The following DNAH9 variants were observed in gnomAD, a reference collection of about 807,000 sequenced individuals.
The protein encoded by DNAH9 is DNAH9 variant protein.
DNAH9 carries 345 observed loss-of-function variants against 471.6 expected under a neutral mutation model. The ratio of observed to expected loss-of-function variants is 0.73; its 90% CI spans 0.67 to 0.80. The LOEUF (loss-of-function observed/expected upper bound fraction) is 0.80, where lower values mean the gene tolerates loss of function less well. DNAH9 is among the 30% of genes least tolerant of loss of function. The pLI, the probability that DNAH9 is intolerant of heterozygous loss-of-function variation, is 0.00. For missense variants in DNAH9, 5,407 were observed against 5,609.2 expected (o/e 0.96, Z 1.15); for synonymous variants, 2,093 against 2,123.6 (o/e 0.99, Z 0.40).
At chr17:11,894,755 A>G (rs3764845) in intron 59 of DNAH9, among the ~76,000 whole-genome samples, 98,942 of 152,030 alleles carry the variant, frequency 0.65, 33,415 homozygotes, top group Middle Eastern at 0.76. Context: ...GAGCTCCCCT[A>G]AGTCACCTGA....
chr17:11,839,283 G>A (rs1251149407), intron 49 of DNAH9, among the ~76,000 whole-genome samples: 6 of 152,120 alleles, frequency 3.9e-5, no homozygotes, highest in South Asian at 2.1e-4. Context: ...TTGGGAGGCC[G>A]AGGCGGGCGG....
chr17:11,796,689 C>T (rs1969254869), intron 42 of DNAH9, among the ~76,000 whole-genome samples: 1 of 152,218 alleles, frequency 6.6e-6, no homozygotes. Context: ...CGGACAACTG[C>T]TCATGCTGGC....
intron 66 of DNAH9, among the ~76,000 whole-genome samples, chr17:11,938,036 C>T (rs12952187): frequency 0.49 from 73,882 of 151,972 alleles, 18,139 homozygotes; most frequent in Middle Eastern, 0.57. Flanking sequence ...AGTTACCTGC[C>T]ACTAAGCACA....
rs561492263 is a variant in DNAH9 at position 11,814,190 on chromosome 17, A to G, written c.8707+3821A>G. Among the ~76,000 whole-genome samples, 42 of 152,290 alleles carry G rather than the reference A, an allele frequency of 2.8e-4. 1 individual carries two copies. The South Asian group carries it at 8.7e-3, about 32-fold the overall frequency. On this transcript the variant is annotated intron_variant, in intron 45 of 68. Coordinates refer to ENST00000262442, the MANE Select transcript of DNAH9 (RefSeq NM_001372.4). ...AAAACTTGTTCTCTTTTTGACCTTC[A>G]CTTAAACTCAACTTCAGCAAGTCCC...
intron 62 of DNAH9, among the ~76,000 whole-genome samples, chr17:11,924,833 A>T (rs1311361516): frequency 6.6e-6 from 1 of 152,088 alleles, no homozygotes; most frequent in Non-Finnish European, 1.5e-5. Context: ...CATGTTGGCC[A>T]GGCTTGTCTT....
chr17:11,894,463 G>A lies in DNAH9; in HGVS notation c.11373G>A (p.Glu3791=), dbSNP rs1488973744. 8 of 1,614,030 alleles carry A rather than the reference G, an allele frequency of 5.0e-6. No homozygotes were observed. The South Asian group carries it at 6.6e-5, about 13-fold the overall frequency. ...AGACGGGCACCGCCAGCCCCGTGGA[G>A]TTCCTCTCCCATCAGGCGTGGGGAG... ...PVQTGTASPV[E]FLSHQAWGAV... Residue 3791 remains glutamate, a synonymous_variant, in exon 59 of 69, where the codon GAG becomes GAA. Transcript: ENST00000262442.
intron 43 of DNAH9, among the ~76,000 whole-genome samples, chr17:11,800,890 A>C (rs1363234339): frequency 6.6e-6 from 1 of 152,178 alleles, no homozygotes; most frequent in African/African-American, 2.4e-5. Flanking sequence ...ACTGCTTAGC[A>C]TGTTATATGA....
intron 1 of DNAH9, among the ~76,000 whole-genome samples, chr17:11,603,763 C>T (rs2072436902): frequency 6.6e-6 from 1 of 152,150 alleles, no homozygotes; most frequent in African/African-American, 2.4e-5. Flanking sequence ...ATCTCATCAT[C>T]ACTCATCAGG....
chr17:11,621,823 T>C (rs11869001), intron 6 of DNAH9, among the ~76,000 whole-genome samples: 129,694 of 152,140 alleles, frequency 0.85, 56,384 homozygotes, highest in East Asian at 0.97. Context: ...GGCTCACGCC[T>C]GTAATCCCAG....
Position 11,962,379 on chromosome 17 carries a change from C to A in DNAH9, c.13233+123C>A. ...TCTTTTTCTCTAGCTAACCTTCTTT[C>A]CTTGAGGCCATCAGGCCATTTTTAT... On this transcript the variant is annotated intron_variant, in intron 68 of 68. Coordinates refer to ENST00000262442, the MANE Select transcript of DNAH9 (RefSeq NM_001372.4). The surrounding 1 kb of genome is among the most constrained non-coding windows in gnomAD (Gnocchi z 4.1). 1 of 1,414,238 alleles carries A rather than the reference C, an allele frequency of 7.1e-7. No homozygotes were observed. The highest frequency in any genetic ancestry group is 9.3e-7 in the Non-Finnish European group (1 of 1,079,252). 87.6% of individuals were successfully genotyped at this position (1,414,238 alleles called of 1,614,324 possible). A position where few individuals can be genotyped will look rare whatever the true frequency, so the allele number is the denominator to read the frequency against.
At chr17:11,834,944 A>G in intron 49 of DNAH9, 46 bp downstream of exon 49, 1 of 1,588,614 alleles carries the variant, frequency 6.3e-7, no homozygotes, top group East Asian at 2.3e-5. Context: ...AGGGGCTGGT[A>G]GACGCAGAGA....
intron 41 of DNAH9, among the ~76,000 whole-genome samples, chr17:11,786,083 A>G (rs1968858965): frequency 2.9e-5 from 2 of 70,012 alleles, no homozygotes; most frequent in Admixed American, 2.3e-4. Context: ...GATTTTTCAA[A>G]TGAAAAAAAA....
Position 11,669,137 on chromosome 17 carries a change from G to T in DNAH9, c.2805G>T (p.Pro935=), listed in dbSNP as rs146085853. Reference sequence around the variant, plus strand: ...CCATCCCAGAGCTAGTTTTCTATCCGTCTCTGGAGTCTGGAGTGAAGGGGG... The same window carrying T: ...CCATCCCAGAGCTAGTTTTCTATCCTTCTCTGGAGTCTGGAGTGAAGGGGG... ...SLAIPELVFY[P]SLESGVKGGF... Residue 935 remains proline, a synonymous_variant, in exon 16 of 69, where the codon CCG becomes CCT. Transcript: ENST00000262442. The T allele has an allele frequency of 1.9e-6, 3 of 1,613,530 alleles. No individual in the cohort carries two copies. The highest frequency in any genetic ancestry group is 2.5e-6 in the Non-Finnish European group (3 of 1,179,548).
At chr17:11,736,286 T>C (rs1323781600) in intron 28 of DNAH9, among the ~76,000 whole-genome samples, 2 of 152,222 alleles carry the variant, frequency 1.3e-5, no homozygotes, top group Non-Finnish European at 2.9e-5. Flanking sequence ...TGTCAGTTAT[T>C]ATTTTTTGTT....
At chr17:11,688,940 A>G (rs1048603218) in intron 19 of DNAH9, among the ~76,000 whole-genome samples, 1 of 152,014 alleles carries the variant, frequency 6.6e-6, no homozygotes, top group African/African-American at 2.4e-5. Context: ...TACTAAAAAC[A>G]CAAAAATTAG....
At chr17:11,960,417 C>G (rs1975993988) in intron 67 of DNAH9, among the ~76,000 whole-genome samples, 1 of 96,838 alleles carries the variant, frequency 1.0e-5, no homozygotes, top group Non-Finnish European at 1.9e-5. Context: ...GCCTGGGTGA[C>G]AGAGCAAGAC....
Position 11,946,687 on chromosome 17 carries a change from GA to G in DNAH9, c.12843+4212del, listed in dbSNP as rs1198637342. The stretch of plus-strand genomic sequence containing the variant: ...TCAAAAAAAAAAAAAAAAAGAAAAA[GA>G]AAAAAAAAATCTGCACTTGTACCCT... On this transcript the variant is annotated intron_variant, in intron 67 of 68. Transcript: ENST00000262442. Among the ~76,000 whole-genome samples the G allele has an allele frequency of 2.0e-4, 26 of 128,128 alleles. 1 individual carries two copies. The highest frequency in any genetic ancestry group is 2.0e-3 in the South Asian group (8 of 4,016). The allele number at this position is 128,128 out of a possible 152,430, so 84.1% of individuals were successfully genotyped here. A position where few individuals can be genotyped will look rare whatever the true frequency, so the allele number is the denominator to read the frequency against.
rs145372367 is a variant in DNAH9, at chr17:11,737,958, G to A, written c.5815-922G>A. Among the ~76,000 whole-genome samples the A allele has an allele frequency of 5.3e-5, 8 of 152,318 alleles. No individual in the cohort carries two copies. In the East Asian group the frequency reaches 1.4e-3, roughly 26 times the overall value. On this transcript the variant is annotated intron_variant, in intron 28 of 68. Coordinates refer to ENST00000262442, the MANE Select transcript of DNAH9 (RefSeq NM_001372.4). Reference sequence around the variant, plus strand: ...TGGTATTTCTAAGCAATTTTCTTTAGGCTATGTACTTCACAGACTTTATTT... The same window carrying A: ...TGGTATTTCTAAGCAATTTTCTTTAAGCTATGTACTTCACAGACTTTATTT...
At chr17:11,893,646 A>G (rs1450412930) in intron 58 of DNAH9, among the ~76,000 whole-genome samples, 1 of 152,126 alleles carries the variant, frequency 6.6e-6, no homozygotes, top group Non-Finnish European at 1.5e-5. Flanking sequence ...ATTCTCACTC[A>G]TAAGTGGGAG....
Sources: allele counts gnomAD v4.1 joint callset (sites outside exome capture counted in the v4.1 genomes callset), GRCh38; gene constraint gnomAD v4.1.1; non-coding constraint Gnocchi (gnomAD v3.1); transcripts MANE v1.5; gene names NCBI Gene and HGNC (gene_info 2026-07-23, HGNC 2026-07-21).